Variants in PTPN3 observed in about 807,000 individuals in gnomAD.
The protein encoded by PTPN3 is protein tyrosine phosphatase non-receptor type 3.
PTPN3 carries 96 observed loss-of-function variants against 132.7 expected under a neutral mutation model. The observed-to-expected ratio is 0.72, with a 90% CI of 0.61 to 0.86. The LOEUF (loss-of-function observed/expected upper bound fraction) is 0.86. PTPN3 is among the 40% of genes least tolerant of loss of function. The pLI, the probability that PTPN3 is intolerant of heterozygous loss-of-function variation, is 0.00. For synonymous variants in PTPN3, 398 were observed against 429.0 expected (o/e 0.93, Z 0.89); for missense variants, 1,125 against 1,159.6 (o/e 0.97, Z 0.43).
At chr9:109,508,165 T>TC in the PTPN3 span, among the ~76,000 whole-genome samples, 2 of 11,886 alleles carry the variant, frequency 1.7e-4, no homozygotes, top group Non-Finnish European at 2.9e-4. Context: ...TCTCTCTCTC[T>TC]TTTTTTTTTT....
intron 16 of PTPN3, among the ~76,000 whole-genome samples, chr9:109,409,121 C>T (rs922729799): frequency 5.3e-5 from 8 of 152,058 alleles, no homozygotes; most frequent in Admixed American, 1.3e-4. Context: ...CTGCTCAACT[C>T]TGCAGTCATT....
upstream of PTPN3, among the ~76,000 whole-genome samples, chr9:109,499,040 C>T (rs1847808001): frequency 6.6e-6 from 1 of 150,864 alleles, no homozygotes; most frequent in South Asian, 2.1e-4. Flanking sequence ...AGTGATTTAT[C>T]CATTTTCAGC....
the PTPN3 span, among the ~76,000 whole-genome samples, chr9:109,534,789 C>T: frequency 1.3e-5 from 2 of 150,498 alleles, no homozygotes; most frequent in Non-Finnish European, 1.5e-5. Flanking sequence ...AAGACAAGAG[C>T]GAGACTCCGT....
the PTPN3 span, among the ~76,000 whole-genome samples, chr9:109,504,664 CTG>C: frequency 4.5e-3 from 692 of 152,340 alleles, 2 homozygotes; most frequent in Non-Finnish European, 7.0e-3. Context: ...GGTGTCCACA[CTG>C]TAAAACTGAC....
chr9:109,397,669 T>C (rs1253585827), intron 19 of PTPN3: 1 of 152,220 alleles, frequency 6.6e-6, no homozygotes, highest in Non-Finnish European at 1.5e-5. Flanking sequence ...AAATCGTTGC[T>C]AGTAATTTTG....
intron 2 of PTPN3, among the ~76,000 whole-genome samples, chr9:109,460,432 T>C (rs1057379249): frequency 6.6e-6 from 1 of 152,098 alleles, no homozygotes; most frequent in African/African-American, 2.4e-5. Flanking sequence ...CCACCTCATG[T>C]AGGAAAAAAA....
chr9:109,403,225 A>G (rs896958909), intron 19 of PTPN3, among the ~76,000 whole-genome samples: 1 of 152,220 alleles, frequency 6.6e-6, no homozygotes, highest in Non-Finnish European at 1.5e-5. Context: ...CATAAAATCA[A>G]TCTTTCACTC....
At chr9:109,404,385 T>A in intron 19 of PTPN3, 63 bp downstream of exon 19, 4 of 1,208,608 alleles carry the variant, frequency 3.3e-6, no homozygotes, top group Non-Finnish European at 4.4e-6. Context: ...CCTCCACTGC[T>A]CAGAGGCAGG....
At chr9:109,429,341 T>TGACTCACA (rs1226490524) in intron 10 of PTPN3, among the ~76,000 whole-genome samples, 1 of 152,198 alleles carries the variant, frequency 6.6e-6, no homozygotes, top group Non-Finnish European at 1.5e-5. Flanking sequence ...CGGTCTCAGC[T>TGACTCACA]GACTCTGAAG....
chr9:109,420,371 C>G, intron 14 of PTPN3, 53 bp downstream of exon 14: 4 of 1,525,378 alleles, frequency 2.6e-6, no homozygotes, highest in Non-Finnish European at 3.5e-6. Context: ...TGAGCAAATT[C>G]CGCAACAGCC....
chr9:109,408,781 T>TAAAA (rs768982568), intron 16 of PTPN3, among the ~76,000 whole-genome samples: 9 of 62,134 alleles, frequency 1.4e-4, no homozygotes, highest in African/African-American at 3.7e-4. Context: ...TTATAATAAT[T>TAAAA]AAAAAAAAAA....
the PTPN3 span, among the ~76,000 whole-genome samples, chr9:109,517,660 G>A: frequency 1.3e-5 from 2 of 152,182 alleles, no homozygotes; most frequent in Non-Finnish European, 2.9e-5. Context: ...TTTGAAACAA[G>A]CTCCTGAAAT....
At chr9:109,492,637 A>G (rs549659820) in intron 1 of PTPN3, among the ~76,000 whole-genome samples, 5 of 152,336 alleles carry the variant, frequency 3.3e-5, no homozygotes, top group African/African-American at 7.2e-5. Flanking sequence ...TGATTATACA[A>G]TTTGGGTCAT....
intron 7 of PTPN3, among the ~76,000 whole-genome samples, chr9:109,444,656 T>C (rs1343914047): frequency 6.6e-6 from 1 of 152,264 alleles, no homozygotes; most frequent in Non-Finnish European, 1.5e-5. Flanking sequence ...CCTTTTTTAA[T>C]GAGTGTACTA....
chr9:109,467,700 A>G lies in PTPN3; in HGVS notation c.-17-4249T>C, dbSNP rs574704040. ...GAAAGTCACATGGGCTGATGCTCCAATGGTGGACACTGATTTCCAGACTTC... is the reference window on the plus strand; with the variant it reads ...GAAAGTCACATGGGCTGATGCTCCAGTGGTGGACACTGATTTCCAGACTTC... On this transcript the variant is annotated intron_variant, in intron 1 of 25. Coordinates refer to ENST00000374541, the MANE Select transcript of PTPN3 (RefSeq NM_002829.4). Among the ~76,000 whole-genome samples the G allele has an allele frequency of 4.6e-5, 7 of 152,336 alleles. No individual in the cohort carries two copies. In the East Asian group the frequency reaches 5.8e-4, roughly 13 times the overall value.
chr9:109,395,808 GTCTC>G (rs888599436), intron 19 of PTPN3, among the ~76,000 whole-genome samples: 2 of 148,776 alleles, frequency 1.3e-5, no homozygotes, highest in African/African-American at 2.5e-5. Context: ...CTGTGTGTGT[GTCTC>G]TCTCTCTCTA....
At chr9:109,459,714 C>G (rs887990603) in intron 2 of PTPN3, among the ~76,000 whole-genome samples, 1 of 152,106 alleles carries the variant, frequency 6.6e-6, no homozygotes, top group Non-Finnish European at 1.5e-5. Flanking sequence ...TGCACCCAGC[C>G]TGTTGTAAGG....
chr9:109,464,266 A>G (rs1485701626), intron 1 of PTPN3, among the ~76,000 whole-genome samples: 1 of 152,214 alleles, frequency 6.6e-6, no homozygotes, highest in Non-Finnish European at 1.5e-5. Flanking sequence ...TGATAGAACA[A>G]TTTCAGTCAT....
intron 18 of PTPN3, among the ~76,000 whole-genome samples, chr9:109,405,067 G>T (rs1047959292): frequency 6.6e-6 from 1 of 152,210 alleles, no homozygotes; most frequent in Admixed American, 6.5e-5. Context: ...ATTCCTGAGA[G>T]CTCAATCCCT....
Sources: gnomAD v4.1 joint callset for allele counts (sites outside exome capture counted in the v4.1 genomes callset) on GRCh38, gnomAD v4.1.1 for gene constraint, MANE v1.5 for transcripts, NCBI Gene and HGNC (gene_info 2026-07-23, HGNC 2026-07-21) for gene names.